RNF180: variants seen among roughly 807,000 people sequenced by gnomAD.
RNF180 encodes ring finger protein 180.
Under a neutral mutation model 59.2 loss-of-function variants are expected in RNF180, and 38 were observed. The ratio of observed to expected loss-of-function variants is 0.64; its 90% CI spans 0.50 to 0.84. RNF180 has a LOEUF of 0.84. RNF180 is among the 40% of genes least tolerant of loss of function. The probability of loss-of-function intolerance (pLI) is 0.00; values close to 1 mark genes in which losing one functional copy is unlikely to be tolerated. For missense variants in RNF180, 705 were observed against 700.9 expected, an observed-to-expected ratio of 1.01 and a Z score of -0.07; for synonymous variants, 262 against 240.3, an observed-to-expected ratio of 1.09 and a Z score of -0.84.
At chr5:64,226,501 A>AGTTTGT (rs1393142778) in intron 5 of RNF180, among the ~76,000 whole-genome samples, 62 of 152,242 alleles carry the variant, frequency 4.1e-4, no homozygotes, top group Admixed American at 1.6e-3. Flanking sequence ...CCTAATCTCA[A>AGTTTGT]GTACCCAGGG....
At chr5:64,233,143 C>T (rs1039272579) in intron 5 of RNF180, among the ~76,000 whole-genome samples, 3 of 151,908 alleles carry the variant, frequency 2.0e-5, no homozygotes, top group Admixed American at 6.6e-5. Context: ...GTTTTCTCAT[C>T]CAAAAAAATG....
At chr5:64,219,098 A>G (rs1752776494) in intron 5 of RNF180, among the ~76,000 whole-genome samples, 1 of 152,192 alleles carries the variant, frequency 6.6e-6, no homozygotes, top group Non-Finnish European at 1.5e-5. Flanking sequence ...GCATTCATTC[A>G]CCAGTAAATA....
chr5:64,285,862 C>T (rs1303007206), intron 5 of RNF180, among the ~76,000 whole-genome samples: 5 of 152,260 alleles, frequency 3.3e-5, no homozygotes, highest in Non-Finnish European at 5.9e-5. Context: ...GTGCCAGACC[C>T]GCTGTGCTCC....
At chr5:64,237,829 C>G (rs531629823) in intron 5 of RNF180, among the ~76,000 whole-genome samples, 50 of 152,088 alleles carry the variant, frequency 3.3e-4, no homozygotes, top group Non-Finnish European at 6.2e-4. Flanking sequence ...CTCTGTCTCT[C>G]TCTCTCTCTT....
At position 64,239,454 on chromosome 5, in the gene RNF180, T is replaced by C. The variant is rs576208516; in HGVS notation, c.1227+22058T>C. On this transcript the variant is annotated intron_variant, in intron 5 of 7. Coordinates refer to ENST00000389100, the MANE Select transcript of RNF180 (RefSeq NM_001113561.2). ...CATTTTCCTGTCTGCTAGTAGATAA[T>C]GCACTTTTTTGGAAGAGCTTGCTTT... is the stretch of plus-strand genomic sequence containing the variant. 3.9e-5 allele frequency among the ~76,000 whole-genome samples: 6 copies of C among 152,318 alleles called. No individual in the cohort carries two copies. The South Asian group carries it at 1.2e-3, about 32-fold the overall frequency.
intron 5 of RNF180, among the ~76,000 whole-genome samples, chr5:64,305,135 G>A (rs1005240663): frequency 4.0e-5 from 6 of 151,606 alleles, no homozygotes; most frequent in African/African-American, 1.5e-4. Flanking sequence ...ACTTTTGTAT[G>A]CACTGGGAAA....
intron 1 of RNF180, among the ~76,000 whole-genome samples, chr5:64,166,659 A>G (rs185903822): frequency 3.5e-4 from 54 of 152,300 alleles, no homozygotes; most frequent in African/African-American, 1.2e-3. Context: ...AACAGTTGTA[A>G]GTGTATCTGT....
chr5:64,225,908 GGCCA>G (rs1741709263), intron 5 of RNF180, among the ~76,000 whole-genome samples: 3 of 137,018 alleles, frequency 2.2e-5, no homozygotes, highest in Non-Finnish European at 3.1e-5. Flanking sequence ...CACCCCATCT[GGCCA>G]CCCCATCTGG....
intron 5 of RNF180, among the ~76,000 whole-genome samples, chr5:64,262,485 G>T (rs1051837454): frequency 1.3e-5 from 2 of 152,062 alleles, no homozygotes; most frequent in African/African-American, 2.4e-5. Context: ...TTGATCACCC[G>T]TCTCTTTTAC....
chr5:64,330,568 G>A (rs1205319843), intron 7 of RNF180, among the ~76,000 whole-genome samples, 162 bp downstream of exon 7: 2 of 152,230 alleles, frequency 1.3e-5, no homozygotes, highest in African/African-American at 2.4e-5. Flanking sequence ...GAAAACTACA[G>A]ATGTACAAAT....
intron 5 of RNF180, among the ~76,000 whole-genome samples, chr5:64,226,386 A>G (rs1490405999): frequency 6.6e-6 from 1 of 152,166 alleles, no homozygotes; most frequent in Non-Finnish European, 1.5e-5. Flanking sequence ...TCTCTGAAAC[A>G]TGTGCTGTGT....
intron 7 of RNF180, among the ~76,000 whole-genome samples, chr5:64,338,450 C>T (rs1044920531): frequency 6.6e-6 from 1 of 151,916 alleles, no homozygotes; most frequent in Non-Finnish European, 1.5e-5. Flanking sequence ...CTGGCTAACA[C>T]GGTGAAACCC....
At chr5:64,261,521 C>T (rs1391069714) in intron 5 of RNF180, among the ~76,000 whole-genome samples, 2 of 152,102 alleles carry the variant, frequency 1.3e-5, no homozygotes, top group Admixed American at 6.6e-5. Flanking sequence ...GCCTTTCATT[C>T]ATTGGGTTTC....
In RNF180 at chr5:64,307,638, T is replaced by G. The variant is rs1418084350; in HGVS notation, c.1228-17548T>G. On this transcript the variant is annotated intron_variant, in intron 5 of 7. Coordinates refer to ENST00000389100, the MANE Select transcript of RNF180 (RefSeq NM_001113561.2). Reference sequence around the variant, plus strand: ...TATCATAAGTCAAAAATGTATTTAATACACCTTACCTATCAAACAACATAG... The same window carrying G: ...TATCATAAGTCAAAAATGTATTTAAGACACCTTACCTATCAAACAACATAG... 2.0e-5 allele frequency among the ~76,000 whole-genome samples: 3 copies of G among 151,860 alleles called. No homozygotes were observed. The Admixed American group carries it at 2.0e-4, about 10-fold the overall frequency.
chr5:64,213,695 G>A lies in RNF180; in HGVS notation c.369G>A (p.Gln123=), dbSNP rs756092169. 1 of 1,614,144 alleles carries A rather than the reference G, an allele frequency of 6.2e-7. No homozygotes were observed. The highest frequency in any genetic ancestry group is 8.5e-7 in the Non-Finnish European group (1 of 1,180,002). Residue 123 remains glutamine, a synonymous_variant, in exon 4 of 8, where the codon CAG becomes CAA. Coordinates refer to ENST00000389100, the MANE Select transcript of RNF180 (RefSeq NM_001113561.2). The part of the protein sequence containing the change: ...VHLSKSRTDY[Q]PTQAGRLMRP... ...TCTCCAAGAGCCGGACTGATTATCAGCCAACACAGGCAGGCAGACTAATGA... is the reference window on the plus strand; with the variant it reads ...TCTCCAAGAGCCGGACTGATTATCAACCAACACAGGCAGGCAGACTAATGA...
At chr5:64,244,432 T>C (rs1743022962) in intron 5 of RNF180, among the ~76,000 whole-genome samples, 1 of 151,866 alleles carries the variant, frequency 6.6e-6, no homozygotes, top group African/African-American at 2.4e-5. Context: ...CATGAAAAGT[T>C]TGTGAAGCAT....
At chr5:64,311,346 G>A (rs531202264) in intron 5 of RNF180, among the ~76,000 whole-genome samples, 13 of 151,832 alleles carry the variant, frequency 8.6e-5, no homozygotes, top group South Asian at 2.1e-4. Flanking sequence ...TGGAATTTAC[G>A]TCACTAAGTA....
intron 1 of RNF180, among the ~76,000 whole-genome samples, chr5:64,194,282 G>C (rs1427418184): frequency 6.6e-6 from 1 of 152,046 alleles, no homozygotes; most frequent in Non-Finnish European, 1.5e-5. Flanking sequence ...GCGATAGTTT[G>C]CTGAGAATGA....
At chr5:64,317,553 C>CATATATATACATACATATATATACAT (rs200147443) in intron 5 of RNF180, among the ~76,000 whole-genome samples, 7 of 139,986 alleles carry the variant, frequency 5.0e-5, no homozygotes, top group African/African-American at 1.4e-4. Context: ...TTTATATATA[C>CATATATATACATACATATATATACAT]ATATATACAC....
Sources: gnomAD v4.1 joint callset for allele counts (sites outside exome capture counted in the v4.1 genomes callset) on GRCh38, gnomAD v4.1.1 for gene constraint, MANE v1.5 for transcripts, NCBI Gene and HGNC (gene_info 2026-07-23, HGNC 2026-07-21) for gene names.